Variants in ZNF804A observed in about 807,000 individuals in gnomAD.
The protein encoded by ZNF804A is zinc finger protein 804A.
A neutral mutation model predicts 16.5 loss-of-function variants in ZNF804A; 2 were observed. The ratio of observed to expected loss-of-function variants is 0.12; its 90% CI spans 0.05 to 0.38. The LOEUF (loss-of-function observed/expected upper bound fraction) is 0.38, where lower values mean the gene tolerates loss of function less well. Ranked by LOEUF, ZNF804A falls within the 10% of genes least tolerant of loss-of-function variation. The probability of loss-of-function intolerance (pLI) is 0.99; values close to 1 mark genes in which losing one functional copy is unlikely to be tolerated. For synonymous variants in ZNF804A, 534 were observed against 489.6 expected (o/e 1.09, Z -1.20); for missense variants, 1,473 against 1,390.7 (o/e 1.06, Z -0.94).
chr2:184,862,107 G>A (rs1176482822), intron 1 of ZNF804A, among the ~76,000 whole-genome samples: 1 of 152,160 alleles, frequency 6.6e-6, no homozygotes, highest in African/African-American at 2.4e-5. Flanking sequence ...TTACCAGATA[G>A]AGGGTGAACA....
At chr2:184,894,884 G>A (rs763916243) in intron 2 of ZNF804A, among the ~76,000 whole-genome samples, 2 of 151,714 alleles carry the variant, frequency 1.3e-5, no homozygotes, top group African/African-American at 2.4e-5. Flanking sequence ...TAGTAGAGGC[G>A]GGGTTTCACC....
intron 2 of ZNF804A, among the ~76,000 whole-genome samples, chr2:184,920,883 C>T (rs11901504): frequency 2.0e-5 from 3 of 151,900 alleles, no homozygotes; most frequent in Non-Finnish European, 4.4e-5. Flanking sequence ...ACAATCCTCC[C>T]GATGAAAATA....
intron 1 of ZNF804A, among the ~76,000 whole-genome samples, chr2:184,784,484 G>C (rs1295975438): frequency 6.6e-6 from 1 of 151,876 alleles, no homozygotes; most frequent in African/African-American, 2.4e-5. Context: ...GGTTTTGTTG[G>C]TTTGTTTTTA....
intron 1 of ZNF804A, among the ~76,000 whole-genome samples, chr2:184,698,869 T>G (rs1236062945): frequency 6.6e-6 from 1 of 152,102 alleles, no homozygotes; most frequent in Non-Finnish European, 1.5e-5. Context: ...ACAAGAACTT[T>G]TTTAAATAAG....
chr2:184,607,096 C>G (rs888704168), intron 1 of ZNF804A, among the ~76,000 whole-genome samples: 8 of 152,138 alleles, frequency 5.3e-5, no homozygotes, highest in Non-Finnish European at 1.2e-4. Context: ...ATAACTTTAT[C>G]TGAAATGTTT....
chr2:184,842,034 A>G (rs1174455243), intron 1 of ZNF804A, among the ~76,000 whole-genome samples: 1 of 152,198 alleles, frequency 6.6e-6, no homozygotes, highest in Non-Finnish European at 1.5e-5. Context: ...GCTTTTTTGT[A>G]GCATCAATAA....
intron 1 of ZNF804A, among the ~76,000 whole-genome samples, chr2:184,622,968 A>G (rs1309914991): frequency 6.6e-6 from 1 of 152,098 alleles, no homozygotes; most frequent in African/African-American, 2.4e-5. Flanking sequence ...CAACATCAGT[A>G]CTACACAAAT....
At chr2:184,807,152 A>T (rs1179732958) in intron 1 of ZNF804A, among the ~76,000 whole-genome samples, 1 of 151,906 alleles carries the variant, frequency 6.6e-6, no homozygotes, top group East Asian at 1.9e-4. Context: ...CAAAGAAAAC[A>T]TTGTAACATT....
At position 184,645,111 on chromosome 2, in the gene ZNF804A, C is replaced by A. The variant is rs534774060; in HGVS notation, c.111+46041C>A. ...TCTAAAATCCTATAAATGACATAAGCCCATTAATGTAAGATATCTCTTACA... is the reference window on the plus strand; with the variant it reads ...TCTAAAATCCTATAAATGACATAAGACCATTAATGTAAGATATCTCTTACA... On this transcript the variant is annotated intron_variant, in intron 1 of 3. Transcript: ENST00000302277. Among the ~76,000 whole-genome samples, 12 of 152,060 alleles carry A rather than the reference C, an allele frequency of 7.9e-5. No individual in the cohort carries two copies. In the South Asian group the frequency reaches 2.3e-3, roughly 29 times the overall value.
chr2:184,645,267 T>G (rs1282514884), intron 1 of ZNF804A, among the ~76,000 whole-genome samples: 2 of 152,152 alleles, frequency 1.3e-5, no homozygotes, highest in Admixed American at 1.3e-4. Context: ...AGAAAGGAAA[T>G]TAGTTTCAAA....
At chr2:184,641,274 T>A (rs1463227760) in intron 1 of ZNF804A, among the ~76,000 whole-genome samples, 1 of 152,170 alleles carries the variant, frequency 6.6e-6, no homozygotes, top group South Asian at 2.1e-4. Context: ...TTGTACAAAT[T>A]GCTAATATAA....
intron 1 of ZNF804A, among the ~76,000 whole-genome samples, chr2:184,863,281 A>G (rs1007917305): frequency 2.0e-5 from 3 of 152,254 alleles, no homozygotes; most frequent in African/African-American, 7.2e-5. Context: ...GTGCTTCATT[A>G]TTTCCATCTG....
chr2:184,761,125 T>C (rs1694031573), intron 1 of ZNF804A, among the ~76,000 whole-genome samples: 1 of 152,180 alleles, frequency 6.6e-6, no homozygotes, highest in South Asian at 2.1e-4. Flanking sequence ...TTAGTTTTAC[T>C]ACCTCAGCAT....
intron 1 of ZNF804A, among the ~76,000 whole-genome samples, chr2:184,736,651 G>A (rs2369594): frequency 0.01 from 1,545 of 151,960 alleles, 40 homozygotes; most frequent in East Asian, 0.059. Flanking sequence ...CACGGCACAC[G>A]TATACCTATG....
chr2:184,854,914 T>A (rs1348629217), intron 1 of ZNF804A, among the ~76,000 whole-genome samples: 1 of 152,046 alleles, frequency 6.6e-6, no homozygotes, highest in African/African-American at 2.4e-5. Context: ...TTCAACAGAA[T>A]GGTTGCAGCA....
Position 184,939,280 on chromosome 2 carries a change from A to C in ZNF804A, c.*254A>C. The C allele has an allele frequency of 2.7e-6, 1 of 374,558 alleles. No individual in the cohort carries two copies. The highest frequency in any genetic ancestry group is 4.8e-6 in the Non-Finnish European group (1 of 207,714). 23.2% of individuals were successfully genotyped at this position (374,558 alleles called of 1,614,324 possible). ...ATGCTATATATTAAAATGATGTCTTAAGAGTATGTATAATGTACATAAAAT... is the reference window on the plus strand; with the variant it reads ...ATGCTATATATTAAAATGATGTCTTCAGAGTATGTATAATGTACATAAAAT... On this transcript the variant is annotated 3_prime_UTR_variant, in exon 4 of 4. Coordinates refer to ENST00000302277, the MANE Select transcript of ZNF804A (RefSeq NM_194250.2).
chr2:184,897,212 C>G (rs1685083189), intron 2 of ZNF804A, among the ~76,000 whole-genome samples: 4 of 152,006 alleles, frequency 2.6e-5, no homozygotes, highest in Admixed American at 2.6e-4. Context: ...GAGGAAAATA[C>G]CAATTTTGTC....
intron 2 of ZNF804A, among the ~76,000 whole-genome samples, chr2:184,912,796 T>G (rs972590879): frequency 5.9e-5 from 9 of 152,086 alleles, no homozygotes; most frequent in African/African-American, 2.2e-4. Flanking sequence ...TTTTAAAAAT[T>G]TGGTTGTCTT....
chr2:184,666,507 T>C (rs1160361372), intron 1 of ZNF804A, among the ~76,000 whole-genome samples: 1 of 151,996 alleles, frequency 6.6e-6, no homozygotes, highest in African/African-American at 2.4e-5. Context: ...AATATAAAAA[T>C]TTATATCCCT....
Sources: gnomAD v4.1 joint callset for allele counts (sites outside exome capture counted in the v4.1 genomes callset) on GRCh38, gnomAD v4.1.1 for gene constraint, MANE v1.5 for transcripts, NCBI Gene and HGNC (gene_info 2026-07-23, HGNC 2026-07-21) for gene names.